Variants in BRIP1 observed in about 807,000 individuals in gnomAD.
The protein encoded by BRIP1 is Fanconi anemia group J protein.
BRIP1 carries 88 observed loss-of-function variants against 119.7 expected under a neutral mutation model. The ratio of observed to expected loss-of-function variants is 0.74; its 90% confidence interval spans 0.62 to 0.88. BRIP1 has a LOEUF of 0.88. BRIP1 is among the 40% of genes least tolerant of loss of function. The pLI is 0.00. For synonymous variants in BRIP1, 443 were observed against 496.5 expected (o/e 0.89, Z 1.43); for missense variants, 1,259 against 1,455.4 (o/e 0.87, Z 2.20).
chr17:61,780,542 A>G lies in BRIP1; in HGVS notation c.1795-141T>C, dbSNP rs548479101. On this transcript the variant is annotated intron_variant, in intron 12 of 19. Coordinates refer to ENST00000259008, the MANE Select transcript of BRIP1 (RefSeq NM_032043.3). This position sits in a 1 kb window ranked among gnomAD's most constrained non-coding sequence, Gnocchi z 5.4. Reference sequence around the variant, plus strand: ...TAGGAGTCTGAGACCAGCCTGGGCAATATGGTGAAACCCCGTCTCTACAAA... The same window carrying G: ...TAGGAGTCTGAGACCAGCCTGGGCAGTATGGTGAAACCCCGTCTCTACAAA... 5.0e-6 allele frequency: 4 copies of G among 802,438 alleles called. No individual in the cohort carries two copies. Among genetic ancestry groups the G allele is most frequent in the South Asian group, 3.1e-5 (2 of 64,630 alleles). 49.7% of individuals were successfully genotyped at this position (802,438 alleles called of 1,614,324 possible).
At chr17:61,697,812 ATT>A (rs377661269) in intron 17 of BRIP1, among the ~76,000 whole-genome samples, 1 of 142,956 alleles carries the variant, frequency 7.0e-6, no homozygotes, top group Non-Finnish European at 1.5e-5. Context: ...TGTTTACAGT[ATT>A]TTTTTTTTTT....
Position 61,704,232 on chromosome 17 carries a change from TC to T in BRIP1, c.2493-10721del, listed in dbSNP as rs1200752433. On this transcript the variant is annotated intron_variant, in intron 17 of 19. Coordinates refer to ENST00000259008, the MANE Select transcript of BRIP1 (RefSeq NM_032043.3). This position sits in a 1 kb window ranked among gnomAD's most constrained non-coding sequence, Gnocchi z 5.7. ...TTTAGGCTCTTATAGTTTTCTTTTT[TC>T]CCCCTTTTCCTTTTGTTTTTGTAGT... Among the ~76,000 whole-genome samples, 2 of 152,136 alleles carry T rather than the reference TC, an allele frequency of 1.3e-5. No homozygotes were observed. The highest frequency in any genetic ancestry group is 4.8e-5 in the African/African-American group (2 of 41,444).
At position 61,808,847 on chromosome 17, in the gene BRIP1, T is replaced by C; in HGVS notation, c.628-90A>G. On this transcript the variant is annotated intron_variant, in intron 6 of 19. Coordinates refer to ENST00000259008, the MANE Select transcript of BRIP1 (RefSeq NM_032043.3). The surrounding 1 kb of genome is among the most constrained non-coding windows in gnomAD (Gnocchi z 4.1). The stretch of plus-strand genomic sequence containing the variant: ...ACATGGAATCAGAACCTGTAAGTAA[T>C]GAATCACAATGGTCAAATAAAGAGA... 2.4e-6 allele frequency: 3 copies of C among 1,250,410 alleles called. No homozygotes were observed. Among genetic ancestry groups the C allele is most frequent in the South Asian group, 1.3e-5 (1 of 78,954 alleles). The allele number at this position is 1,250,410 out of a possible 1,614,324, so 77.5% of individuals were successfully genotyped here. A position where few individuals can be genotyped will look rare whatever the true frequency, so the allele number is the denominator to read the frequency against.
intron 4 of BRIP1, among the ~76,000 whole-genome samples, chr17:61,854,379 T>G (rs2078864264): frequency 6.6e-6 from 1 of 151,996 alleles, no homozygotes; most frequent in Non-Finnish European, 1.5e-5. Context: ...GAATATAAAA[T>G]GGTATGACCA....
rs1254488841 is a variant in BRIP1 at position 61,734,872 on chromosome 17, T to A, written c.2379+8141A>T. Among the ~76,000 whole-genome samples the A allele has an allele frequency of 1.3e-5, 2 of 152,192 alleles. No homozygotes were observed. Among genetic ancestry groups the A allele is most frequent in the Admixed American group, 1.3e-4 (2 of 15,282 alleles). On this transcript the variant is annotated intron_variant, in intron 16 of 19. Transcript: ENST00000259008. The surrounding 1 kb of genome is among the most constrained non-coding windows in gnomAD (Gnocchi z 5.2). ...CACTGCCTTCTTTTTCCCACTCAAA[T>A]CACTTTTCTGACTCAATGATCTTAA...
At chr17:61,714,334 T>C (rs1181813797) in intron 17 of BRIP1, among the ~76,000 whole-genome samples, 1 of 152,224 alleles carries the variant, frequency 6.6e-6, no homozygotes, top group South Asian at 2.1e-4. Flanking sequence ...CTGTAAGCTC[T>C]ATTCGTGGTA....
intron 16 of BRIP1, among the ~76,000 whole-genome samples, chr17:61,727,809 C>T (rs1053310187): frequency 1.3e-5 from 2 of 150,382 alleles, no homozygotes; most frequent in East Asian, 3.9e-4. Flanking sequence ...TATATATAAT[C>T]TTTCAAACAT....
In BRIP1 at chr17:61,699,624, A is replaced by T. The variant is rs937356819; in HGVS notation, c.2493-6112T>A. On this transcript the variant is annotated intron_variant, in intron 17 of 19. Coordinates refer to ENST00000259008, the MANE Select transcript of BRIP1 (RefSeq NM_032043.3). The surrounding 1 kb of genome is among the most constrained non-coding windows in gnomAD (Gnocchi z 4.8). ...ATCTTTAAACATTGTATGCTGGTGC[A>T]GAAGAATTAACATTGTAGGTTGGAT... is the stretch of plus-strand genomic sequence containing the variant. Among the ~76,000 whole-genome samples the T allele has an allele frequency of 1.3e-5, 2 of 152,172 alleles. No homozygotes were observed. Among genetic ancestry groups the T allele is most frequent in the Admixed American group, 1.3e-4 (2 of 15,272 alleles).
At chr17:61,787,393 T>TATAGTTATATAAA (rs1555604526) in intron 10 of BRIP1, among the ~76,000 whole-genome samples, 1 of 117,722 alleles carries the variant, frequency 8.5e-6, no homozygotes, top group Non-Finnish European at 1.7e-5. Context: ...ATATATAGTA[T>TATAGTTATATAAA]ATATATTTAT....
rs900589443 is a variant in BRIP1, at chr17:61,853,051, T to C, written c.380-3795A>G. The stretch of plus-strand genomic sequence containing the variant: ...AACAAGAATGTTCATAACAGCACTA[T>C]TAAACAATACTGAAAACAACCCAAT... On this transcript the variant is annotated intron_variant, in intron 4 of 19. Coordinates refer to ENST00000259008, the MANE Select transcript of BRIP1 (RefSeq NM_032043.3). This position sits in a 1 kb window ranked among gnomAD's most constrained non-coding sequence, Gnocchi z 4.3. Among the ~76,000 whole-genome samples, 32 of 152,284 alleles carry C rather than the reference T, an allele frequency of 2.1e-4. No homozygotes were observed. Among genetic ancestry groups the C allele is most frequent in the African/African-American group, 7.7e-4 (32 of 41,552 alleles).
In BRIP1 at chr17:61,828,671, C is replaced by T. The variant is rs1346351996; in HGVS notation, c.627+18430G>A. ...AAGTTACACAATACAGAAACTTGGACCTACAAAATGAAGGGCACCAGAAGT... is the reference window on the plus strand; with the variant it reads ...AAGTTACACAATACAGAAACTTGGATCTACAAAATGAAGGGCACCAGAAGT... On this transcript the variant is annotated intron_variant, in intron 6 of 19. Transcript: ENST00000259008. This position sits in a 1 kb window ranked among gnomAD's most constrained non-coding sequence, Gnocchi z 4.1. Among the ~76,000 whole-genome samples, 4 of 152,000 alleles carry T rather than the reference C, an allele frequency of 2.6e-5. No individual in the cohort carries two copies. Among genetic ancestry groups the T allele is most frequent in the African/African-American group, 9.7e-5 (4 of 41,392 alleles).
chr17:61,683,598 C>G lies in BRIP1; in HGVS notation c.3448G>C (p.Ala1150Pro), dbSNP rs757363615. 17 of 1,612,256 alleles carry G rather than the reference C, an allele frequency of 1.1e-5. No individual in the cohort carries two copies. The highest frequency in any genetic ancestry group is 1.4e-5 in the Non-Finnish European group (16 of 1,179,904). The change falls in exon 20 of 20, where the codon GCT becomes CCT. Residue 1150 changes from alanine to proline, a missense_variant. Ala to Pro is a conservative substitution (Grantham distance 27, BLOSUM62 -1). Coordinates refer to ENST00000259008, the MANE Select transcript of BRIP1 (RefSeq NM_032043.3). This position sits in a 1 kb window ranked among gnomAD's most constrained non-coding sequence, Gnocchi z 4.7. ...AATCTATTTCCTCTATCAGTTTCAGCTAGGTCATTTTTTTCTTCATCTGTA... is the reference window on the plus strand; with the variant it reads ...AATCTATTTCCTCTATCAGTTTCAGGTAGGTCATTTTTTTCTTCATCTGTA... Reference protein sequence around the residue: ...EDTDEEKNDLAETDRGNRLAN... With the variant: ...EDTDEEKNDLPETDRGNRLAN...
chr17:61,747,369 G>GT (rs1251842715), intron 14 of BRIP1, among the ~76,000 whole-genome samples: 1 of 151,684 alleles, frequency 6.6e-6, no homozygotes. Flanking sequence ...TAAAAAGTTG[G>GT]TTTTTGAAAA....
At chr17:61,750,664 T>C (rs1482203765) in intron 14 of BRIP1, among the ~76,000 whole-genome samples, 1 of 150,306 alleles carries the variant, frequency 6.7e-6, no homozygotes, top group Admixed American at 6.6e-5. Flanking sequence ...ACCAAACAGA[T>C]TCAAATATAG....
rs1416752318 is a variant in BRIP1, at chr17:61,726,085, A to G, written c.2380-10022T>C. Among the ~76,000 whole-genome samples the G allele has an allele frequency of 6.6e-6, 1 of 152,204 alleles. No individual in the cohort carries two copies. The highest frequency in any genetic ancestry group is 1.5e-5 in the Non-Finnish European group (1 of 68,034). On this transcript the variant is annotated intron_variant, in intron 16 of 19. Coordinates refer to ENST00000259008, the MANE Select transcript of BRIP1 (RefSeq NM_032043.3). This position sits in a 1 kb window ranked among gnomAD's most constrained non-coding sequence, Gnocchi z 6.2. ...ATTTTGAGGAAGAAGGTATAATGGA[A>G]AAAAAGAAAAAGCACACGGCTTGGA...
chr17:61,752,839 G>T lies in BRIP1; in HGVS notation c.2098-8248C>A, dbSNP rs1283024654. ...TTAAAATGAGTAAGATATGGTGTTG[G>T]ATGGGACATGACAGGGAAGGGAGAA... On this transcript the variant is annotated intron_variant, in intron 14 of 19. Coordinates refer to ENST00000259008, the MANE Select transcript of BRIP1 (RefSeq NM_032043.3). This position sits in a 1 kb window ranked among gnomAD's most constrained non-coding sequence, Gnocchi z 6.2. Among the ~76,000 whole-genome samples the T allele has an allele frequency of 6.6e-6, 1 of 152,150 alleles. No individual in the cohort carries two copies. The highest frequency in any genetic ancestry group is 1.5e-5 in the Non-Finnish European group (1 of 68,034).
chr17:61,698,730 T>C (rs568866596), intron 17 of BRIP1, among the ~76,000 whole-genome samples: 2 of 152,208 alleles, frequency 1.3e-5, no homozygotes, highest in South Asian at 4.1e-4. Flanking sequence ...TTATTTTTTT[T>C]TGAGACAGGG....
intron 17 of BRIP1, among the ~76,000 whole-genome samples, chr17:61,711,867 A>T (rs1375830623): frequency 6.7e-6 from 1 of 149,014 alleles, no homozygotes; most frequent in Non-Finnish European, 1.5e-5. Context: ...GACTCTCTCA[A>T]AAAAAAAATA....
intron 16 of BRIP1, among the ~76,000 whole-genome samples, chr17:61,718,453 G>C (rs1310892383): frequency 6.6e-6 from 1 of 152,162 alleles, no homozygotes; most frequent in African/African-American, 2.4e-5. Flanking sequence ...GCACTAGGAA[G>C]TTTTCTGCCT....
Sources: gnomAD v4.1 joint callset for allele counts (sites outside exome capture counted in the v4.1 genomes callset) on GRCh38, gnomAD v4.1.1 for gene constraint, Gnocchi (gnomAD v3.1) non-coding constraint, MANE v1.5 for transcripts, NCBI Gene and HGNC (gene_info 2026-07-23, HGNC 2026-07-21) for gene names.